LRRC4C: variants seen among roughly 807,000 people sequenced by gnomAD.
LRRC4C encodes leucine rich repeat containing 4C, also known as leucine-rich repeat-containing protein 4C.
LRRC4C carries 5 observed loss-of-function variants against 33.6 expected under a neutral mutation model. The ratio of observed to expected loss-of-function variants is 0.15; its 90% CI spans 0.08 to 0.31. The LOEUF (loss-of-function observed/expected upper bound fraction) is 0.31, where lower values mean the gene tolerates loss of function less well. Among genes scored for constraint, LRRC4C ranks in the 10% least tolerant of loss-of-function variants. The probability of loss-of-function intolerance (pLI) is 1.00; values close to 1 mark genes in which losing one functional copy is unlikely to be tolerated. For missense variants in LRRC4C, 560 were observed against 796.7 expected, an observed-to-expected ratio of 0.70 and a Z score of 3.58; for synonymous variants, 329 against 302.0, an observed-to-expected ratio of 1.09 and a Z score of -0.93.
Position 40,206,934 on chromosome 11 carries a change from G to A in LRRC4C, c.-96+34585C>T, listed in dbSNP as rs562396663. On this transcript the variant is annotated intron_variant, in intron 5 of 6. Coordinates refer to ENST00000528697, the MANE Select transcript of LRRC4C (RefSeq NM_001258419.2). ...ATAAGAGGCATAAACCTGGGGGAAG[G>A]GGACACTATGCACACTCACAAACAA... Among the ~76,000 whole-genome samples the A allele has an allele frequency of 8.5e-5, 13 of 152,064 alleles. No homozygotes were observed. The South Asian group carries it at 2.3e-3, about 27-fold the overall frequency.
At chr11:40,507,183 C>T (rs754251476) in intron 3 of LRRC4C, among the ~76,000 whole-genome samples, 6 of 151,984 alleles carry the variant, frequency 3.9e-5, no homozygotes, top group African/African-American at 7.2e-5. Context: ...GTTAGAATTT[C>T]TTACTAGCAA....
chr11:41,116,009 G>T (rs969716492), intron 1 of LRRC4C, among the ~76,000 whole-genome samples: 20 of 152,018 alleles, frequency 1.3e-4, no homozygotes, highest in African/African-American at 4.6e-4. Context: ...ATGAGAGCTA[G>T]CCCAGCAATG....
Position 40,987,663 on chromosome 11 carries a change from TGA to T in LRRC4C, c.-495-53942_-495-53941del, listed in dbSNP as rs1853144251. On this transcript the variant is annotated intron_variant, in intron 1 of 6. Transcript: ENST00000528697. ...TATATATATATATATCTCATATATA[TGA>T]GATATAAATGATATATATATATATA... 3.3e-4 allele frequency among the ~76,000 whole-genome samples: 26 copies of T among 78,192 alleles called. 1 individual carries two copies. The highest frequency in any genetic ancestry group is 1.6e-3 in the South Asian group (4 of 2,574). 51.3% of individuals were successfully genotyped at this position (78,192 alleles called of 152,430 possible).
intron 4 of LRRC4C, among the ~76,000 whole-genome samples, chr11:40,254,965 T>G (rs995836792): frequency 6.6e-6 from 1 of 152,100 alleles, no homozygotes; most frequent in African/African-American, 2.4e-5. Flanking sequence ...CAAACAACCA[T>G]GCCTAGCTGT....
At chr11:40,496,855 A>G (rs1356955040) in intron 3 of LRRC4C, among the ~76,000 whole-genome samples, 2 of 152,158 alleles carry the variant, frequency 1.3e-5, no homozygotes. Flanking sequence ...TGAATGTACT[A>G]GAAGATTCTA....
At chr11:40,240,162 C>G (rs975926657) in intron 5 of LRRC4C, among the ~76,000 whole-genome samples, 4 of 152,044 alleles carry the variant, frequency 2.6e-5, no homozygotes, top group African/African-American at 9.7e-5. Flanking sequence ...CTTTTCGCAC[C>G]CTGTCCTCTA....
chr11:40,259,046 T>C (rs2136237891), intron 4 of LRRC4C, among the ~76,000 whole-genome samples: 1 of 152,318 alleles, frequency 6.6e-6, no homozygotes, highest in Non-Finnish European at 1.5e-5. Context: ...TTGTTATCCC[T>C]ATTTTGCAAA....
chr11:40,631,556 T>C (rs1963481036), intron 3 of LRRC4C, among the ~76,000 whole-genome samples: 1 of 152,186 alleles, frequency 6.6e-6, no homozygotes, highest in South Asian at 2.1e-4. Flanking sequence ...CTTCATCAAG[T>C]TATTTATATG....
intron 6 of LRRC4C, among the ~76,000 whole-genome samples, chr11:40,129,996 C>T (rs1165930467): frequency 1.3e-5 from 2 of 152,082 alleles, no homozygotes; most frequent in Non-Finnish European, 2.9e-5. Flanking sequence ...CATGAGGTTT[C>T]TGGCTGTTTA....
chr11:41,269,590 G>A (rs900188616), intron 1 of LRRC4C, among the ~76,000 whole-genome samples: 5 of 152,110 alleles, frequency 3.3e-5, no homozygotes, highest in African/African-American at 1.2e-4. Flanking sequence ...AAGAGTACAT[G>A]AAGAGGGAAG....
chr11:41,031,915 T>G (rs1369755565), intron 1 of LRRC4C, among the ~76,000 whole-genome samples: 1 of 152,012 alleles, frequency 6.6e-6, no homozygotes, highest in Non-Finnish European at 1.5e-5. Flanking sequence ...ACAGGCAGGT[T>G]GTACTGTGAT....
At chr11:40,342,015 A>C (rs886389045) in intron 3 of LRRC4C, among the ~76,000 whole-genome samples, 15 of 152,082 alleles carry the variant, frequency 9.9e-5, no homozygotes, top group Non-Finnish European at 1.3e-4. Flanking sequence ...AAAAAACAAA[A>C]TAAGTCTTTT....
chr11:40,121,715 T>C (rs1276460766), intron 6 of LRRC4C, among the ~76,000 whole-genome samples: 3 of 152,206 alleles, frequency 2.0e-5, no homozygotes, highest in African/African-American at 7.2e-5. Context: ...CAGAAGCAAG[T>C]ATATGTGAAA....
At chr11:41,377,351 G>A (rs1417885875) in intron 1 of LRRC4C, among the ~76,000 whole-genome samples, 1 of 152,150 alleles carries the variant, frequency 6.6e-6, no homozygotes, top group Non-Finnish European at 1.5e-5. Context: ...ACATGAGGTT[G>A]TCTTTCCCAA....
At chr11:41,127,112 A>AT (rs1942781420) in intron 1 of LRRC4C, among the ~76,000 whole-genome samples, 1 of 151,834 alleles carries the variant, frequency 6.6e-6, no homozygotes, top group South Asian at 2.1e-4. Context: ...CTGAGACAGT[A>AT]TTTTTTCTGT....
At chr11:40,336,346 C>A (rs191771316) in intron 3 of LRRC4C, among the ~76,000 whole-genome samples, 2 of 152,198 alleles carry the variant, frequency 1.3e-5, no homozygotes, top group Admixed American at 1.3e-4. Flanking sequence ...TATTTTGGGC[C>A]TGGCTAATAC....
At chr11:41,023,408 A>G (rs1207405472) in intron 1 of LRRC4C, among the ~76,000 whole-genome samples, 1 of 151,848 alleles carries the variant, frequency 6.6e-6, no homozygotes, top group Non-Finnish European at 1.5e-5. Flanking sequence ...ACAAAATCAC[A>G]TCCATGGTAA....
chr11:40,347,947 T>C (rs768020020), intron 3 of LRRC4C, among the ~76,000 whole-genome samples: 5 of 152,204 alleles, frequency 3.3e-5, no homozygotes, highest in Non-Finnish European at 5.9e-5. Flanking sequence ...GGGTTGTTTA[T>C]TGGCCTAGTT....
intron 1 of LRRC4C, among the ~76,000 whole-genome samples, chr11:41,054,617 G>A (rs1467993856): frequency 6.6e-6 from 1 of 152,210 alleles, no homozygotes; most frequent in East Asian, 1.9e-4. Context: ...CAATTTCAGC[G>A]AGTTTGAAGT....
Sources: allele counts gnomAD v4.1 joint callset (sites outside exome capture counted in the v4.1 genomes callset), GRCh38; gene constraint gnomAD v4.1.1; transcripts MANE v1.5; gene names NCBI Gene and HGNC (gene_info 2026-07-23, HGNC 2026-07-21).